The following PCCA variants were observed in gnomAD, a reference collection of about 807,000 sequenced individuals.
The protein encoded by PCCA is propionyl-CoA carboxylase subunit alpha.
PCCA carries 74 observed loss-of-function variants against 101.3 expected under a neutral mutation model. The ratio of observed to expected loss-of-function variants is 0.73; its 90% CI spans 0.61 to 0.89. The LOEUF (loss-of-function observed/expected upper bound fraction) is 0.89, where lower values mean the gene tolerates loss of function less well. Among genes scored for constraint, PCCA ranks in the 40% least tolerant of loss-of-function variants. PCCA has a pLI of 0.00. For missense variants in PCCA, 891 were observed against 907.0 expected (o/e 0.98, Z 0.23); for synonymous variants, 294 against 313.6 (o/e 0.94, Z 0.66).
At chr13:100,341,987 T>TATATATATATATATATTTA (rs1566963825) in intron 18 of PCCA, among the ~76,000 whole-genome samples, 2 of 68,818 alleles carry the variant, frequency 2.9e-5, no homozygotes, top group African/African-American at 1.1e-4. Context: ...ATATATGTAT[T>TATATATATATATATATTTA]TATGTGTGTG....
intron 12 of PCCA, among the ~76,000 whole-genome samples, chr13:100,275,040 C>A (rs2063545213): frequency 7.8e-6 from 1 of 128,454 alleles, no homozygotes; most frequent in Admixed American, 8.4e-5. Context: ...TTCCGTTAGG[C>A]CCTTGGGGGA....
chr13:100,320,111 G>A (rs1346184781), intron 16 of PCCA, among the ~76,000 whole-genome samples: 1 of 152,180 alleles, frequency 6.6e-6, no homozygotes, highest in Non-Finnish European at 1.5e-5. Context: ...GTTGACTCAT[G>A]ATTTGGCTCT....
intron 22 of PCCA, among the ~76,000 whole-genome samples, chr13:100,523,926 C>A (rs1425136942): frequency 2.0e-5 from 3 of 152,220 alleles, no homozygotes; most frequent in Non-Finnish European, 4.4e-5. Flanking sequence ...GAACGGGCCC[C>A]GCACATGGGG....
intron 12 of PCCA, among the ~76,000 whole-genome samples, chr13:100,287,426 A>C (rs942144192): frequency 1.3e-5 from 2 of 152,130 alleles, no homozygotes; most frequent in Admixed American, 1.3e-4. Flanking sequence ...ATTAATTCCT[A>C]AAATATGTTC....
At chr13:100,155,193 A>G in intron 5 of PCCA, 101 bp downstream of exon 5, 1 of 827,332 alleles carries the variant, frequency 1.2e-6, no homozygotes, top group South Asian at 1.4e-5. Flanking sequence ...ATGATTGAAA[A>G]TGCTGTTGCA....
chr13:100,270,893 C>T (rs1316980491), intron 11 of PCCA, among the ~76,000 whole-genome samples: 1 of 151,964 alleles, frequency 6.6e-6, no homozygotes, highest in Non-Finnish European at 1.5e-5. Context: ...CCTATAGTTC[C>T]AGCTACTTGG....
intron 19 of PCCA, among the ~76,000 whole-genome samples, chr13:100,377,103 C>T (rs566716247): frequency 3.9e-5 from 6 of 152,286 alleles, no homozygotes; most frequent in African/African-American, 1.4e-4. Flanking sequence ...TGAGGCAATG[C>T]CCCACCATGC....
intron 20 of PCCA, among the ~76,000 whole-genome samples, chr13:100,437,486 A>G (rs1173446356): frequency 6.6e-6 from 1 of 151,982 alleles, no homozygotes; most frequent in African/African-American, 2.4e-5. Flanking sequence ...TTTTCTTCAA[A>G]TATCATCATT....
At chr13:100,229,247 A>G (rs1011638203) in intron 7 of PCCA, among the ~76,000 whole-genome samples, 3 of 152,348 alleles carry the variant, frequency 2.0e-5, no homozygotes, top group East Asian at 1.9e-4. Context: ...GTTTTGCCCA[A>G]TGCCAACAGT....
rs567724150 is a variant in PCCA at position 100,490,272 on chromosome 13, C to G, written c.1900-25155C>G. 7.9e-5 allele frequency: 12 copies of G among 152,286 alleles called. No homozygotes were observed. The South Asian group carries it at 2.3e-3, about 29-fold the overall frequency. 9.4% of individuals were successfully genotyped at this position (152,286 alleles called of 1,614,324 possible). Reference sequence around the variant, plus strand: ...TCACTAGGTAGCTTCCATTTCAGTTCGCCTTTGGTATATTACTGTACTCCA... The same window carrying G: ...TCACTAGGTAGCTTCCATTTCAGTTGGCCTTTGGTATATTACTGTACTCCA... On this transcript the variant is annotated intron_variant, in intron 21 of 23. Transcript: ENST00000376285.
At chr13:100,136,444 CCAAAGTG>C (rs1452737468) in intron 4 of PCCA, among the ~76,000 whole-genome samples, 12 of 152,086 alleles carry the variant, frequency 7.9e-5, no homozygotes, top group Non-Finnish European at 1.6e-4. Context: ...TCTTGGCCTC[CCAAAGTG>C]CTGGGATTAC....
intron 19 of PCCA, among the ~76,000 whole-genome samples, chr13:100,400,059 C>T (rs1279777447): frequency 6.6e-6 from 1 of 152,110 alleles, no homozygotes; most frequent in African/African-American, 2.4e-5. Flanking sequence ...ATGGATGAAA[C>T]AAAAGGACGA....
intron 8 of PCCA, among the ~76,000 whole-genome samples, chr13:100,251,376 G>T (rs1167222699): frequency 6.6e-6 from 1 of 152,178 alleles, no homozygotes; most frequent in Non-Finnish European, 1.5e-5. Flanking sequence ...CAGTATGTTT[G>T]TAGGTGACAT....
intron 9 of PCCA, among the ~76,000 whole-genome samples, chr13:100,260,804 A>G (rs1253964896): frequency 6.6e-6 from 1 of 152,096 alleles, no homozygotes; most frequent in African/African-American, 2.4e-5. Context: ...CTGGATTACT[A>G]TATGACAAGG....
intron 8 of PCCA, among the ~76,000 whole-genome samples, chr13:100,256,836 C>T (rs540843021): frequency 7.3e-4 from 111 of 152,314 alleles, no homozygotes; most frequent in Non-Finnish European, 1.4e-3. Context: ...GACTTGTACA[C>T]TTTTCTTGAT....
At chr13:100,193,797 A>T (rs2152453207) in intron 6 of PCCA, among the ~76,000 whole-genome samples, 1 of 152,262 alleles carries the variant, frequency 6.6e-6, no homozygotes, top group Non-Finnish European at 1.5e-5. Flanking sequence ...TATAAATCAT[A>T]GTCCGGGTGC....
intron 4 of PCCA, chr13:100,150,385 T>A (rs1281411396): frequency 1.1e-5 from 3 of 278,532 alleles, no homozygotes; most frequent in African/African-American, 6.8e-5. Context: ...TATTTTTTAT[T>A]TTTATTATTT....
At chr13:100,404,845 C>T (rs1200896323) in intron 19 of PCCA, among the ~76,000 whole-genome samples, 1 of 152,178 alleles carries the variant, frequency 6.6e-6, no homozygotes, top group South Asian at 2.1e-4. Flanking sequence ...ATCCATGAAA[C>T]AGGAAGCCTT....
chr13:100,285,206 G>A (rs779369539), intron 12 of PCCA, among the ~76,000 whole-genome samples: 1 of 152,178 alleles, frequency 6.6e-6, no homozygotes, highest in Non-Finnish European at 1.5e-5. Flanking sequence ...CCCGGATACA[G>A]CGAGATAGCC....
Sources: allele counts gnomAD v4.1 joint callset (sites outside exome capture counted in the v4.1 genomes callset), GRCh38; gene constraint gnomAD v4.1.1; transcripts MANE v1.5; gene names NCBI Gene and HGNC (gene_info 2026-07-23, HGNC 2026-07-21).